LRP1B: variants seen among roughly 807,000 people sequenced by gnomAD.
The protein encoded by LRP1B is LDL receptor related protein 1B, also known as low-density lipoprotein receptor-related protein 1B.
In LRP1B, 217 loss-of-function variants were observed where a neutral mutation model predicts 556.6. That is an observed-to-expected ratio of 0.39 (90% confidence interval 0.35 to 0.44). The LOEUF (loss-of-function observed/expected upper bound fraction) is 0.44. Among genes scored for constraint, LRP1B ranks in the 20% least tolerant of loss-of-function variants. The pLI is 1.00. For missense variants in LRP1B, 5,053 were observed against 5,620.8 expected (o/e 0.90, Z 3.23); for synonymous variants, 2,047 against 1,865.8 (o/e 1.10, Z -2.50).
At chr2:141,332,368 G>T (rs1687685124) in intron 3 of LRP1B, among the ~76,000 whole-genome samples, 1 of 150,896 alleles carries the variant, frequency 6.6e-6, no homozygotes, top group Non-Finnish European at 1.5e-5. Context: ...TATTGGTAAT[G>T]CTTACTCAAT....
At chr2:141,694,230 C>G (rs1691649656) in intron 2 of LRP1B, among the ~76,000 whole-genome samples, 1 of 152,064 alleles carries the variant, frequency 6.6e-6, no homozygotes. Flanking sequence ...AGCTTTACCA[C>G]TGCATCATGT....
In LRP1B at chr2:140,322,012, T is replaced by G. The variant is rs758394658; in HGVS notation, c.12591A>C (p.Pro4197=). The G allele has an allele frequency of 3.1e-6, 5 of 1,613,062 alleles. No individual in the cohort carries two copies. The African/African-American group carries it at 6.7e-5, about 22-fold the overall frequency. ...LNPSGATCVC[P]EGKYLINGTC... is the part of the protein sequence containing the mutation. ...TGCCATTAATCAAATATTTTCCTTC[T>G]GGACACACACAAGTGGCCCCAGAAG... The change falls in exon 82 of 91, where the codon CCA becomes CCC. Residue 4197 remains proline, a synonymous_variant. Coordinates refer to ENST00000389484, the MANE Select transcript of LRP1B (RefSeq NM_018557.3).
intron 60 of LRP1B, among the ~76,000 whole-genome samples, chr2:140,468,365 G>A (rs1387288152): frequency 6.6e-6 from 1 of 152,224 alleles, no homozygotes; most frequent in Admixed American, 6.5e-5. Flanking sequence ...AGAAAGCCTT[G>A]GGGTTGGGGT....
In LRP1B at chr2:141,998,170, G is replaced by A. The variant is rs546658697; in HGVS notation, c.82+132478C>T. 1.8e-4 allele frequency among the ~76,000 whole-genome samples: 28 copies of A among 152,014 alleles called. No homozygotes were observed. The South Asian group carries it at 2.5e-3, about 14-fold the overall frequency. ...GGCTTCACCTAGAGCTCAGAGGTCC[G>A]GTTAAAAGAGACTAAATTTAAAACT... On this transcript the variant is annotated intron_variant, in intron 1 of 90. Coordinates refer to ENST00000389484, the MANE Select transcript of LRP1B (RefSeq NM_018557.3).
intron 43 of LRP1B, among the ~76,000 whole-genome samples, chr2:140,569,419 T>C (rs1681242051): frequency 6.6e-6 from 1 of 151,896 alleles, no homozygotes; most frequent in Non-Finnish European, 1.5e-5. Flanking sequence ...TAACTATATC[T>C]GCATCAGACA....
At chr2:142,048,657 A>G (rs1322913988) in intron 1 of LRP1B, among the ~76,000 whole-genome samples, 1 of 152,062 alleles carries the variant, frequency 6.6e-6, no homozygotes, top group African/African-American at 2.4e-5. Context: ...TAGTGTATGT[A>G]AAAATTGCAT....
intron 66 of LRP1B, among the ~76,000 whole-genome samples, chr2:140,392,275 AG>A (rs1198894309): frequency 1.3e-5 from 2 of 152,062 alleles, no homozygotes; most frequent in Admixed American, 6.6e-5. Flanking sequence ...TGTGAACCTC[AG>A]GATATTTATC....
intron 23 of LRP1B, among the ~76,000 whole-genome samples, chr2:140,892,507 A>G (rs1334394510): frequency 6.6e-6 from 1 of 152,166 alleles, no homozygotes; most frequent in Non-Finnish European, 1.5e-5. Flanking sequence ...TTACTCCTAC[A>G]TATTAGGGAG....
rs879265856 is a variant in LRP1B, at chr2:141,722,725, G to GATAC, written c.205+87550_205+87553dup. Among the ~76,000 whole-genome samples the GATAC allele has an allele frequency of 7.3e-4, 98 of 134,300 alleles. 1 individual carries two copies. The South Asian group carries it at 9.6e-3, about 13-fold the overall frequency. 88.1% of individuals were successfully genotyped at this position (134,300 alleles called of 152,430 possible). On this transcript the variant is annotated intron_variant, in intron 2 of 90. Transcript: ENST00000389484. Reference sequence around the variant, plus strand: ...TATAAGACAGATAGACAGGCAGATAGATACATAGATAGATAGATAGATAGA... The same window carrying GATAC: ...TATAAGACAGATAGACAGGCAGATAGATACATACATAGATAGATAGATAGATAGA...
intron 2 of LRP1B, among the ~76,000 whole-genome samples, chr2:141,573,857 T>C (rs1338844290): frequency 6.6e-6 from 1 of 152,132 alleles, no homozygotes; most frequent in Non-Finnish European, 1.5e-5. Context: ...AAGAAATGGA[T>C]GAATTGCTGG....
At chr2:141,767,530 C>A (rs1240890564) in intron 2 of LRP1B, among the ~76,000 whole-genome samples, 2 of 152,234 alleles carry the variant, frequency 1.3e-5, no homozygotes, top group African/African-American at 2.4e-5. Flanking sequence ...CCGTTCATTT[C>A]TTTCCCTCAG....
At chr2:141,565,435 A>T (rs999212253) in intron 2 of LRP1B, among the ~76,000 whole-genome samples, 2 of 152,226 alleles carry the variant, frequency 1.3e-5, no homozygotes, top group African/African-American at 4.8e-5. Flanking sequence ...ATGATCAATC[A>T]AGGCTTTTAA....
At chr2:140,272,591 A>T (rs985077524) in intron 85 of LRP1B, among the ~76,000 whole-genome samples, 1 of 151,894 alleles carries the variant, frequency 6.6e-6, no homozygotes, top group African/African-American at 2.4e-5. Flanking sequence ...GATGGCTTGA[A>T]TTTTCCTAAT....
chr2:140,849,089 G>T (rs910926356), intron 29 of LRP1B, among the ~76,000 whole-genome samples: 1 of 151,362 alleles, frequency 6.6e-6, no homozygotes, highest in South Asian at 2.1e-4. Context: ...GGGCATGGTG[G>T]CTCACAGCTG....
chr2:140,778,596 G>T (rs918021480), intron 32 of LRP1B, among the ~76,000 whole-genome samples: 3 of 152,090 alleles, frequency 2.0e-5, no homozygotes, highest in Admixed American at 6.5e-5. Flanking sequence ...CCAAAATCAT[G>T]CATAGTAAAT....
intron 3 of LRP1B, among the ~76,000 whole-genome samples, chr2:141,435,807 G>C (rs1457232900): frequency 1.3e-5 from 2 of 152,208 alleles, no homozygotes; most frequent in African/African-American, 4.8e-5. Flanking sequence ...ATGAGTGTGG[G>C]TGAGTGGAGA....
intron 41 of LRP1B, among the ~76,000 whole-genome samples, chr2:140,638,511 G>C (rs1204783104): frequency 6.6e-6 from 1 of 152,160 alleles, no homozygotes; most frequent in African/African-American, 2.4e-5. Context: ...TCTGAGGATG[G>C]AAAATATGAT....
In LRP1B at chr2:141,311,378, A is replaced by C. The variant is rs182023795; in HGVS notation, c.344-56737T>G. Among the ~76,000 whole-genome samples, 261 of 152,268 alleles carry C rather than the reference A, an allele frequency of 1.7e-3. 2 individuals carry two copies. The highest frequency in any genetic ancestry group is 4.4e-3 in the Admixed American group (68 of 15,288). On this transcript the variant is annotated intron_variant, in intron 3 of 90. Transcript: ENST00000389484. ...TCCTTCCACTATCTTACAGTTATTG[A>C]AGATACAGTAGGATACTGGGGAAAC...
intron 49 of LRP1B, among the ~76,000 whole-genome samples, chr2:140,523,454 C>A (rs1275942361): frequency 1.3e-5 from 2 of 151,928 alleles, no homozygotes; most frequent in Non-Finnish European, 2.9e-5. Flanking sequence ...TGGAATCATT[C>A]ATTGCCCCTG....
Sources: allele counts gnomAD v4.1 joint callset (sites outside exome capture counted in the v4.1 genomes callset), GRCh38; gene constraint gnomAD v4.1.1; transcripts MANE v1.5; gene names NCBI Gene and HGNC (gene_info 2026-07-23, HGNC 2026-07-21).